The following PRKN variants were observed in gnomAD, a reference collection of about 807,000 sequenced individuals.
The protein encoded by PRKN is parkin RBR E3 ubiquitin protein ligase, also known as E3 ubiquitin-protein ligase parkin.
In PRKN, 56 loss-of-function variants were observed where a neutral mutation model predicts 59.5. The ratio of observed to expected loss-of-function variants is 0.94; its 90% CI spans 0.76 to 1.18. The LOEUF (loss-of-function observed/expected upper bound fraction) is 1.18, where lower values mean the gene tolerates loss of function less well. PRKN is among the 50% of genes most tolerant of loss of function. The probability of loss-of-function intolerance (pLI) is 0.00; values close to 1 mark genes in which losing one functional copy is unlikely to be tolerated. For synonymous variants in PRKN, 250 were observed against 222.1 expected (o/e 1.13, Z -1.12); for missense variants, 657 against 596.4 (o/e 1.10, Z -1.06).
chr6:162,644,999 C>T (rs988254826), intron 1 of PRKN, among the ~76,000 whole-genome samples: 1 of 152,126 alleles, frequency 6.6e-6, no homozygotes, highest in Non-Finnish European at 1.5e-5. Flanking sequence ...TGAGCAATTG[C>T]TATTAATATT....
intron 5 of PRKN, among the ~76,000 whole-genome samples, chr6:161,985,574 T>C (rs1781405322): frequency 6.6e-6 from 1 of 152,212 alleles, no homozygotes; most frequent in Admixed American, 6.5e-5. Flanking sequence ...TCCTAACATT[T>C]TCTAGGGAGT....
At position 162,133,353 on chromosome 6, in the gene PRKN, A is replaced by C. The variant is rs117591584; in HGVS notation, c.534+67778T>G. On this transcript the variant is annotated intron_variant, in intron 4 of 11. Transcript: ENST00000366898. ...TTAGATGGGGGCCTGTATAAGAAAG[A>C]CAGGAGTCAGATAGGACTTGAAGAT... 6.1e-3 allele frequency among the ~76,000 whole-genome samples: 926 copies of C among 152,304 alleles called. 5 individuals carry two copies. Among genetic ancestry groups the C allele is most frequent in the Middle Eastern group, 0.031 (9 of 292 alleles).
chr6:161,774,645 T>C (rs1025893133), intron 7 of PRKN, among the ~76,000 whole-genome samples: 3 of 152,106 alleles, frequency 2.0e-5, no homozygotes, highest in Non-Finnish European at 4.4e-5. Flanking sequence ...AGGATTCGGG[T>C]CTGGGTCCCT....
intron 9 of PRKN, among the ~76,000 whole-genome samples, chr6:161,532,695 G>A (rs1299907162): frequency 2.6e-5 from 4 of 152,168 alleles, no homozygotes; most frequent in South Asian, 2.1e-4. Context: ...AGACGCCCAC[G>A]TGGTAATATG....
At chr6:161,873,271 G>A (rs1293223542) in intron 6 of PRKN, among the ~76,000 whole-genome samples, 2 of 151,732 alleles carry the variant, frequency 1.3e-5, no homozygotes, top group Non-Finnish European at 2.9e-5. Flanking sequence ...TGTAGAAACG[G>A]TCTCTCCTAC....
At chr6:161,619,158 C>A (rs2128149881) in intron 7 of PRKN, among the ~76,000 whole-genome samples, 1 of 151,582 alleles carries the variant, frequency 6.6e-6, no homozygotes, top group Admixed American at 6.6e-5. Flanking sequence ...ACACAGATTG[C>A]CTGGTTTCAC....
chr6:162,313,095 A>C (rs1178456182), intron 2 of PRKN, among the ~76,000 whole-genome samples: 1 of 152,132 alleles, frequency 6.6e-6, no homozygotes, highest in Non-Finnish European at 1.5e-5. Context: ...AAGTAAAATT[A>C]TTTTTTAAAT....
intron 6 of PRKN, among the ~76,000 whole-genome samples, chr6:161,853,535 G>C (rs1290916630): frequency 6.6e-6 from 1 of 152,128 alleles, no homozygotes; most frequent in East Asian, 1.9e-4. Context: ...AAGTATATGA[G>C]AGACTTACAC....
chr6:162,226,117 C>A lies in PRKN; in HGVS notation c.413-24865G>T, dbSNP rs149034797. Among the ~76,000 whole-genome samples, 156 of 149,542 alleles carry A rather than the reference C, an allele frequency of 1.0e-3. 5 individuals are homozygous for A. In the East Asian group the frequency reaches 0.026, roughly 25 times the overall value. On this transcript the variant is annotated intron_variant, in intron 3 of 11. Transcript: ENST00000366898. ...AATAATAAAATTAGATCAAACTGGG[C>A]AGGTTAGAAAGAACTTAAGGAGAAA...
At chr6:161,427,945 G>C (rs2115044120) in intron 9 of PRKN, among the ~76,000 whole-genome samples, 1 of 152,278 alleles carries the variant, frequency 6.6e-6, no homozygotes, top group African/African-American at 2.4e-5. Context: ...TGAAAACAGA[G>C]GTTTCCAGCA....
chr6:161,536,243 A>G lies in PRKN; in HGVS notation c.1083+12611T>C, dbSNP rs192757793. ...ATCATATCCCATGACAGGCAGTCCA[A>G]CCATGGAGTGGCTTCAGAGCTGATG... On this transcript the variant is annotated intron_variant, in intron 9 of 11. Transcript: ENST00000366898. 3.2e-4 allele frequency among the ~76,000 whole-genome samples: 49 copies of G among 152,254 alleles called. No individual in the cohort carries two copies. In the East Asian group the frequency reaches 7.6e-3, roughly 23 times the overall value.
chr6:162,278,329 G>T (rs1364413392), intron 2 of PRKN, among the ~76,000 whole-genome samples: 3 of 152,088 alleles, frequency 2.0e-5, no homozygotes, highest in African/African-American at 4.8e-5. Flanking sequence ...AATATTTAAG[G>T]CAGTGAAAAT....
At chr6:162,600,097 T>C (rs984578391) in intron 1 of PRKN, among the ~76,000 whole-genome samples, 1 of 152,202 alleles carries the variant, frequency 6.6e-6, no homozygotes, top group Non-Finnish European at 1.5e-5. Context: ...TCAAGATGAA[T>C]GCTTTCATCA....
At chr6:162,008,577 C>T (rs1782353685) in intron 5 of PRKN, among the ~76,000 whole-genome samples, 1 of 152,174 alleles carries the variant, frequency 6.6e-6, no homozygotes, top group Non-Finnish European at 1.5e-5. Flanking sequence ...GGTTAATGAA[C>T]CCCAGGAGAA....
chr6:161,860,541 C>T (rs907595842), intron 6 of PRKN, among the ~76,000 whole-genome samples: 8 of 152,194 alleles, frequency 5.3e-5, no homozygotes, highest in Non-Finnish European at 1.0e-4. Flanking sequence ...AACAGAACTC[C>T]CTCTTTCGGT....
chr6:161,558,440 C>T (rs1458916928), intron 8 of PRKN, among the ~76,000 whole-genome samples: 2 of 151,912 alleles, frequency 1.3e-5, no homozygotes, highest in African/African-American at 2.4e-5. Context: ...TGGCATGTAC[C>T]TGTAGTCCCA....
At chr6:162,620,897 A>T (rs1242965995) in intron 1 of PRKN, among the ~76,000 whole-genome samples, 1 of 152,122 alleles carries the variant, frequency 6.6e-6, no homozygotes, top group Non-Finnish European at 1.5e-5. Flanking sequence ...TGTATGATTA[A>T]AAGTTGGGAA....
intron 2 of PRKN, among the ~76,000 whole-genome samples, chr6:162,284,882 A>G (rs1349148487): frequency 6.6e-6 from 1 of 152,088 alleles, no homozygotes; most frequent in Non-Finnish European, 1.5e-5. Flanking sequence ...TGAATTCCAA[A>G]CCCCCAGTAT....
rs996815647 is a variant in PRKN, at chr6:162,270,493, C to T, written c.172-7728G>A. On this transcript the variant is annotated intron_variant, in intron 2 of 11. Transcript: ENST00000366898. ...CTTACGTAAACAAATACCATCTGTA[C>T]CCCAATAACTTATGGGAAAAAAATC... Among the ~76,000 whole-genome samples, 7 of 152,160 alleles carry T rather than the reference C, an allele frequency of 4.6e-5. No individual in the cohort carries two copies. In the East Asian group the frequency reaches 5.8e-4, roughly 13 times the overall value.
Sources: gnomAD v4.1 joint callset for allele counts (sites outside exome capture counted in the v4.1 genomes callset) on GRCh38, gnomAD v4.1.1 for gene constraint, MANE v1.5 for transcripts, NCBI Gene and HGNC (gene_info 2026-07-23, HGNC 2026-07-21) for gene names.